PACRG: variants seen among roughly 807,000 people sequenced by gnomAD.
The protein encoded by PACRG is parkin coregulated.
Under a neutral mutation model 29.7 loss-of-function variants are expected in PACRG, and 29 were observed. The ratio of observed to expected loss-of-function variants is 0.98; its 90% CI spans 0.73 to 1.33. The LOEUF (loss-of-function observed/expected upper bound fraction) is 1.33. Among genes scored for constraint, PACRG ranks in the 40% most tolerant of loss-of-function variants. The pLI is 0.00. For missense variants in PACRG, 279 were observed against 316.2 expected (o/e 0.88, Z 0.89); for synonymous variants, 116 against 118.7 (o/e 0.98, Z 0.15).
chr6:163,276,545 A>G (rs1433605464), intron 4 of PACRG, among the ~76,000 whole-genome samples: 1 of 152,104 alleles, frequency 6.6e-6, no homozygotes, highest in East Asian at 1.9e-4. Context: ...TTTCCTTGAC[A>G]TAGGGTGTGC....
chr6:163,253,090 A>G (rs971010703), intron 4 of PACRG, among the ~76,000 whole-genome samples: 1 of 152,110 alleles, frequency 6.6e-6, no homozygotes, highest in East Asian at 1.9e-4. Flanking sequence ...TGAGGCCAGG[A>G]GGTCGAGACC....
chr6:163,243,681 G>A (rs1170631348), intron 4 of PACRG, among the ~76,000 whole-genome samples: 5 of 152,242 alleles, frequency 3.3e-5, no homozygotes, highest in East Asian at 1.9e-4. Context: ...CTGTCCATCC[G>A]CTGAAAAACT....
intron 2 of PACRG, among the ~76,000 whole-genome samples, chr6:162,921,750 T>C (rs1442979107): frequency 2.6e-5 from 4 of 152,176 alleles, no homozygotes; most frequent in Non-Finnish European, 4.4e-5. Flanking sequence ...CTGAGACATG[T>C]GGGAATCCTG....
chr6:163,277,057 G>A lies in PACRG; in HGVS notation c.614-37770G>A, dbSNP rs73025032. Among the ~76,000 whole-genome samples the A allele has an allele frequency of 9.2e-3, 1,407 of 152,212 alleles. 11 individuals carry two copies. Among genetic ancestry groups the A allele is most frequent in the Middle Eastern group, 0.02 (6 of 294 alleles). On this transcript the variant is annotated intron_variant, in intron 4 of 4. Transcript: ENST00000366888. The stretch of plus-strand genomic sequence containing the variant: ...GCATGTTTTTAAAATCTCCATGCCT[G>A]TCTTCTCTACCTCTCACTTTATCTT...
chr6:162,758,392 T>G (rs1782094691), intron 1 of PACRG, among the ~76,000 whole-genome samples: 1 of 152,184 alleles, frequency 6.6e-6, no homozygotes, highest in Non-Finnish European at 1.5e-5. Context: ...TTTCTTAATT[T>G]CTTTTTTCTT....
rs186414832 is a variant in PACRG, at chr6:162,903,692, C to A, written c.291+89411C>A. On this transcript the variant is annotated intron_variant, in intron 2 of 4. Coordinates refer to ENST00000366888, the MANE Select transcript of PACRG (RefSeq NM_001080379.2). ...TATGGGAGCAATTGAAGATGAGATT[C>A]GGGTGGAGACACAGCCAAACCGTAT... Among the ~76,000 whole-genome samples the A allele has an allele frequency of 7.9e-5, 12 of 152,220 alleles. No homozygotes were observed. The East Asian group carries it at 2.3e-3, about 29-fold the overall frequency.
intron 2 of PACRG, among the ~76,000 whole-genome samples, chr6:163,025,510 C>A (rs1807045111): frequency 6.6e-6 from 1 of 152,136 alleles, no homozygotes; most frequent in Non-Finnish European, 1.5e-5. Context: ...AATGAAATAC[C>A]TAGAAATACA....
At chr6:163,229,858 A>G (rs1781957498) in intron 4 of PACRG, among the ~76,000 whole-genome samples, 1 of 152,244 alleles carries the variant, frequency 6.6e-6, no homozygotes, top group Non-Finnish European at 1.5e-5. Flanking sequence ...AACTGTCTCC[A>G]GGCGACAGCA....
intron 2 of PACRG, among the ~76,000 whole-genome samples, chr6:163,000,292 G>A (rs937639181): frequency 1.3e-5 from 2 of 152,150 alleles, no homozygotes; most frequent in Admixed American, 6.5e-5. Context: ...CAGGGTACTC[G>A]GAGGGTCAAA....
At chr6:162,850,666 C>T (rs139935953) in intron 2 of PACRG, among the ~76,000 whole-genome samples, 8 of 152,164 alleles carry the variant, frequency 5.3e-5, no homozygotes, top group African/African-American at 9.6e-5. Flanking sequence ...CTGGAGAGGG[C>T]GGGGAAGCTC....
At chr6:162,826,520 A>G (rs1374386137) in intron 2 of PACRG, among the ~76,000 whole-genome samples, 1 of 149,736 alleles carries the variant, frequency 6.7e-6, no homozygotes, top group Non-Finnish European at 1.5e-5. Context: ...CTGGAGTGCA[A>G]TGGTGCAATC....
intron 2 of PACRG, among the ~76,000 whole-genome samples, chr6:162,822,564 G>T (rs544595799): frequency 6.6e-6 from 1 of 152,108 alleles, no homozygotes; most frequent in South Asian, 2.1e-4. Flanking sequence ...CCAAGATTGG[G>T]TTCTAATCTG....
At chr6:162,944,618 A>G (rs1798867550) in intron 2 of PACRG, among the ~76,000 whole-genome samples, 1 of 152,194 alleles carries the variant, frequency 6.6e-6, no homozygotes, top group Non-Finnish European at 1.5e-5. Context: ...TACCAAAGAG[A>G]TAGATATTAT....
At chr6:162,926,207 A>G (rs1340074779) in intron 2 of PACRG, among the ~76,000 whole-genome samples, 1 of 152,202 alleles carries the variant, frequency 6.6e-6, no homozygotes, top group Non-Finnish European at 1.5e-5. Flanking sequence ...AAGAATCAAT[A>G]TCATGAAAAT....
At chr6:163,139,581 A>C (rs1007989248) in intron 4 of PACRG, among the ~76,000 whole-genome samples, 4 of 151,316 alleles carry the variant, frequency 2.6e-5, no homozygotes, top group African/African-American at 7.3e-5. Context: ...AATGCTTGGC[A>C]AAAAAAAAGA....
At chr6:162,868,620 C>T (rs952600327) in intron 2 of PACRG, among the ~76,000 whole-genome samples, 2 of 152,120 alleles carry the variant, frequency 1.3e-5, no homozygotes, top group Admixed American at 1.3e-4. Flanking sequence ...GGTGAGATCC[C>T]TACTCACAGC....
chr6:162,791,307 G>T lies in PACRG; in HGVS notation c.157-22840G>T, dbSNP rs534564738. On this transcript the variant is annotated intron_variant, in intron 1 of 4. Coordinates refer to ENST00000366888, the MANE Select transcript of PACRG (RefSeq NM_001080379.2). ...CCCCACTCTGACTCCTAGTTTGTTT[G>T]TTTGTTTTTTTTTTTTTTGCTTTGC... is the stretch of plus-strand genomic sequence containing the variant. Among the ~76,000 whole-genome samples, 865 of 117,812 alleles carry T rather than the reference G, an allele frequency of 7.3e-3. 21 individuals carry two copies. The highest frequency in any genetic ancestry group is 0.026 in the African/African-American group (796 of 30,204). The allele number at this position is 117,812 out of a possible 152,430, so 77.3% of individuals were successfully genotyped here.
intron 2 of PACRG, among the ~76,000 whole-genome samples, chr6:162,865,659 A>G (rs1381134584): frequency 6.6e-6 from 1 of 152,202 alleles, no homozygotes; most frequent in Admixed American, 6.5e-5. Context: ...TTGAAGACTA[A>G]GAACTCCTTG....
chr6:163,018,543 T>G (rs958419670), intron 2 of PACRG, among the ~76,000 whole-genome samples: 1 of 152,208 alleles, frequency 6.6e-6, no homozygotes, highest in Non-Finnish European at 1.5e-5. Flanking sequence ...TTTTTTTTCC[T>G]CAAGTTGCCC....
Sources: allele counts gnomAD v4.1 joint callset (sites outside exome capture counted in the v4.1 genomes callset), GRCh38; gene constraint gnomAD v4.1.1; transcripts MANE v1.5; gene names NCBI Gene and HGNC (gene_info 2026-07-23, HGNC 2026-07-21).